The following RPS6KC1 variants were observed in gnomAD, a reference collection of about 807,000 sequenced individuals.
The protein encoded by RPS6KC1 is inactive ribosomal protein S6 kinase delta-1.
A neutral mutation model predicts 103.8 loss-of-function variants in RPS6KC1; 54 were observed. That is an observed-to-expected ratio of 0.52 (90% CI 0.42 to 0.65). RPS6KC1 has a LOEUF of 0.65. Ranked by LOEUF, RPS6KC1 falls within the 30% of genes least tolerant of loss-of-function variation. The probability of loss-of-function intolerance (pLI) is 0.00; values close to 1 mark genes in which losing one functional copy is unlikely to be tolerated. For missense variants in RPS6KC1, 1,151 were observed against 1,253.8 expected (o/e 0.92, Z 1.24); for synonymous variants, 439 against 438.7 (o/e 1.00, Z -0.01).
chr1:213,407,904 A>G, the RPS6KC1 span, among the ~76,000 whole-genome samples: 1 of 152,148 alleles, frequency 6.6e-6, no homozygotes, highest in Non-Finnish European at 1.5e-5. Flanking sequence ...GGACTTTTTT[A>G]GTTTTGCTCA....
chr1:213,705,835 A>G, the RPS6KC1 span, among the ~76,000 whole-genome samples: 922 of 152,324 alleles, frequency 6.1e-3, 6 homozygotes, highest in Middle Eastern at 0.017. Flanking sequence ...TCTTCCCTTC[A>G]GTCAGCAGGT....
chr1:213,272,231 G>A (rs990953939), intron 14 of RPS6KC1, among the ~76,000 whole-genome samples: 3 of 152,154 alleles, frequency 2.0e-5, no homozygotes, highest in East Asian at 1.9e-4. Flanking sequence ...GTAGGAAATT[G>A]ATAGGTATAA....
chr1:213,317,370 T>C, the RPS6KC1 span, among the ~76,000 whole-genome samples: 1 of 152,138 alleles, frequency 6.6e-6, no homozygotes, highest in Non-Finnish European at 1.5e-5. Flanking sequence ...AAGAAAAAGG[T>C]AGGTCCACTC....
At chr1:213,846,053 G>A in the RPS6KC1 span, among the ~76,000 whole-genome samples, 2 of 151,446 alleles carry the variant, frequency 1.3e-5, no homozygotes, top group African/African-American at 4.9e-5. Flanking sequence ...AGCACTTTGG[G>A]AGGCTGAGGT....
the RPS6KC1 span, among the ~76,000 whole-genome samples, chr1:213,503,885 A>G: frequency 6.6e-6 from 1 of 152,148 alleles, no homozygotes; most frequent in African/African-American, 2.4e-5. Context: ...TAATCACCCC[A>G]CTACTAGACT....
At chr1:213,854,217 C>G in the RPS6KC1 span, among the ~76,000 whole-genome samples, 1 of 152,204 alleles carries the variant, frequency 6.6e-6, no homozygotes, top group African/African-American at 2.4e-5. Flanking sequence ...ATTGCTGCCT[C>G]TAGCAGGAAC....
chr1:213,113,377 G>A (rs1208894132), intron 4 of RPS6KC1, among the ~76,000 whole-genome samples: 29 of 152,160 alleles, frequency 1.9e-4, no homozygotes, highest in Admixed American at 1.6e-3. Flanking sequence ...AGAAGTGTCT[G>A]TTCTTGTCCT....
At chr1:213,209,384 T>G (rs571123437) in intron 8 of RPS6KC1, among the ~76,000 whole-genome samples, 1 of 152,194 alleles carries the variant, frequency 6.6e-6, no homozygotes, top group South Asian at 2.1e-4. Context: ...CAGATTAAAG[T>G]GAAAGCAAGT....
chr1:213,853,690 C>A, the RPS6KC1 span, among the ~76,000 whole-genome samples: 13 of 152,294 alleles, frequency 8.5e-5, no homozygotes, highest in South Asian at 2.3e-3. Context: ...TTCAAGGGAA[C>A]CATAATTATC....
the RPS6KC1 span, among the ~76,000 whole-genome samples, chr1:213,404,850 C>G: frequency 6.6e-6 from 1 of 152,214 alleles, no homozygotes; most frequent in Non-Finnish European, 1.5e-5. Flanking sequence ...GTGTTCAGTT[C>G]ACACTCCTAC....
chr1:213,750,868 T>C, the RPS6KC1 span, among the ~76,000 whole-genome samples: 1 of 152,178 alleles, frequency 6.6e-6, no homozygotes, highest in Non-Finnish European at 1.5e-5. Context: ...GTTTCTCAAA[T>C]TCCACCTTTT....
intron 1 of RPS6KC1, among the ~76,000 whole-genome samples, chr1:213,058,382 A>C (rs1026034527): frequency 6.6e-6 from 1 of 151,650 alleles, no homozygotes; most frequent in Non-Finnish European, 1.5e-5. Flanking sequence ...GTTTTCTTCT[A>C]GATAACTTAT....
chr1:213,673,645 C>G, the RPS6KC1 span, among the ~76,000 whole-genome samples: 750 of 149,472 alleles, frequency 5.0e-3, 7 homozygotes, highest in African/African-American at 0.019. Flanking sequence ...GAGAGAAGTA[C>G]TTTTTAGTAC....
chr1:213,781,537 A>AT, the RPS6KC1 span, among the ~76,000 whole-genome samples: 2 of 152,170 alleles, frequency 1.3e-5, no homozygotes, highest in Admixed American at 6.5e-5. Flanking sequence ...ATTTAGCCTC[A>AT]TTTTTTTCCA....
the RPS6KC1 span, among the ~76,000 whole-genome samples, chr1:213,692,351 T>A: frequency 6.7e-5 from 10 of 148,924 alleles, no homozygotes; most frequent in African/African-American, 2.5e-4. Flanking sequence ...GTTGATATCT[T>A]GCCACTACAC....
chr1:213,738,148 T>TAC, the RPS6KC1 span, among the ~76,000 whole-genome samples: 6 of 152,278 alleles, frequency 3.9e-5, no homozygotes, highest in South Asian at 4.1e-4. Context: ...TAGTTATTTA[T>TAC]ACACACACAC....
At chr1:213,408,374 G>T in the RPS6KC1 span, among the ~76,000 whole-genome samples, 3 of 152,300 alleles carry the variant, frequency 2.0e-5, no homozygotes, top group Middle Eastern at 0.01. Context: ...GGGTGTGGGG[G>T]TTAGTTTTAT....
the RPS6KC1 span, among the ~76,000 whole-genome samples, chr1:213,425,160 C>G: frequency 4.4e-4 from 67 of 152,294 alleles, 2 homozygotes; most frequent in East Asian, 5.8e-4. Context: ...TCTTTCCCCC[C>G]CTTAACAATA....
chr1:213,560,846 T>C, the RPS6KC1 span, among the ~76,000 whole-genome samples: 2 of 152,174 alleles, frequency 1.3e-5, no homozygotes, highest in Non-Finnish European at 2.9e-5. Context: ...CTTGGGTAAC[T>C]CACCCTTTCA....
Sources: gnomAD v4.1 joint callset for allele counts (sites outside exome capture counted in the v4.1 genomes callset) on GRCh38, gnomAD v4.1.1 for gene constraint, MANE v1.5 for transcripts, NCBI Gene and HGNC (gene_info 2026-07-23, HGNC 2026-07-21) for gene names.